The following RAB6A variants were observed in gnomAD, a reference collection of about 807,000 sequenced individuals.
RAB6A encodes the protein RAB6A, member RAS oncogene family.
RAB6A carries 8 observed loss-of-function variants against 32.3 expected under a neutral mutation model. The ratio of observed to expected loss-of-function variants is 0.25; its 90% confidence interval spans 0.15 to 0.45. The LOEUF (loss-of-function observed/expected upper bound fraction) is 0.45, where lower values mean the gene tolerates loss of function less well. Ranked by LOEUF, RAB6A falls within the 20% of genes least tolerant of loss-of-function variation. RAB6A has a pLI of 1.00. For synonymous variants in RAB6A, 73 were observed against 82.1 expected (o/e 0.89, Z 0.60); for missense variants, 104 against 249.4 (o/e 0.42, Z 3.93).
chr11:73,688,170 TATC>T (rs1336200522), intron 6 of RAB6A, among the ~76,000 whole-genome samples: 2 of 152,246 alleles, frequency 1.3e-5, no homozygotes, highest in Non-Finnish European at 1.5e-5. Context: ...GTATATCTCT[TATC>T]ATTCTTTGTC....
intron 1 of RAB6A, among the ~76,000 whole-genome samples, chr11:73,741,390 G>A (rs571139373): frequency 3.9e-5 from 6 of 151,996 alleles, no homozygotes; most frequent in Non-Finnish European, 7.4e-5. Context: ...CACCCACCTC[G>A]GCCTCCCAAA....
In RAB6A at chr11:73,760,758, G is replaced by T; in HGVS notation, c.-123C>A. The T allele has an allele frequency of 1.4e-6, 2 of 1,384,658 alleles. No individual in the cohort carries two copies. The highest frequency in any genetic ancestry group is 1.3e-5 in the South Asian group (1 of 74,278). The allele number at this position is 1,384,658 out of a possible 1,614,324, so 85.8% of individuals were successfully genotyped here. A position where few individuals can be genotyped will look rare whatever the true frequency, so the allele number is the denominator to read the frequency against. On this transcript the variant is annotated 5_prime_UTR_variant, in exon 1 of 8. Transcript: ENST00000336083. ...ACCGAGCTCTCTCGGCCCCTGCAAG[G>T]CCCGGTGGAGGAGCCCGGCTGGAGG...
chr11:73,678,149 C>A (rs1453647388), intron 7 of RAB6A, among the ~76,000 whole-genome samples, 187 bp from the exon 8 acceptor site: 3 of 152,162 alleles, frequency 2.0e-5, no homozygotes, highest in Non-Finnish European at 4.4e-5. Context: ...CTACTATATG[C>A]AACAAGGGTC....
At chr11:73,685,885 C>CAAAAAAAAAAAAAAAAAAAAAAAAAAA (rs56270679) in intron 6 of RAB6A, among the ~76,000 whole-genome samples, 1 of 103,028 alleles carries the variant, frequency 9.7e-6, no homozygotes, top group Admixed American at 1.0e-4. Context: ...AACTCCGTCT[C>CAAAAAAAAAAAAAAAAAAAAAAAAAAA]AAAAAAAAAA....
chr11:73,747,750 T>C (rs1323859230), intron 1 of RAB6A, among the ~76,000 whole-genome samples: 3 of 152,186 alleles, frequency 2.0e-5, no homozygotes, highest in African/African-American at 7.2e-5. Flanking sequence ...ATGGACACTT[T>C]CAAATAATAC....
chr11:73,688,887 T>G (rs1025967156), intron 6 of RAB6A, among the ~76,000 whole-genome samples: 1 of 152,114 alleles, frequency 6.6e-6, no homozygotes, highest in Non-Finnish European at 1.5e-5. Flanking sequence ...TCCCAGCACT[T>G]TGGGAAGCCG....
intron 1 of RAB6A, among the ~76,000 whole-genome samples, chr11:73,758,836 A>G (rs1488462081): frequency 6.6e-6 from 1 of 152,170 alleles, no homozygotes; most frequent in East Asian, 1.9e-4. Context: ...TTTGGGAACT[A>G]TCCTGATATT....
At chr11:73,706,431 G>A (rs539932270) in intron 6 of RAB6A, among the ~76,000 whole-genome samples, 2 of 151,754 alleles carry the variant, frequency 1.3e-5, no homozygotes, top group East Asian at 3.9e-4. Flanking sequence ...GGAGAATGGC[G>A]TGAACCTGGG....
At chr11:73,721,816 T>TA (rs1405355268) in intron 2 of RAB6A, among the ~76,000 whole-genome samples, 1 of 152,198 alleles carries the variant, frequency 6.6e-6, no homozygotes, top group Non-Finnish European at 1.5e-5. Context: ...CTGTGCATTT[T>TA]AAAATATGAG....
rs202009215 is a variant in RAB6A, at chr11:73,754,933, TA to T, written c.70+5632del. On this transcript the variant is annotated intron_variant, in intron 1 of 7. Transcript: ENST00000336083. ...GCAATGGGTTTATTATTATTATTAT[TA>T]TTTTTTTGAGATGGAGTTTTGCTCG... 5.6e-3 allele frequency among the ~76,000 whole-genome samples: 851 copies of T among 152,066 alleles called. 29 individuals carry two copies. In the East Asian group the frequency reaches 0.068, roughly 12 times the overall value.
Position 73,761,067 on chromosome 11 carries a change from T to A in RAB6A, c.-432A>T. 6.5e-6 allele frequency: 1 copy of A among 154,416 alleles called. No individual in the cohort carries two copies. Among genetic ancestry groups the A allele is most frequent in the Non-Finnish European group, 1.4e-5 (1 of 69,206 alleles). The allele number at this position is 154,416 out of a possible 1,614,324, so 9.6% of individuals were successfully genotyped here. On this transcript the variant is annotated 5_prime_UTR_variant, in exon 1 of 8. Coordinates refer to ENST00000336083, the MANE Select transcript of RAB6A (RefSeq NM_198896.2). ...CTGCCGCCGCCGCCGCAGCCCAACCTGCTGAGTGCGCGAGCCTCTGGAGCG... is the reference window on the plus strand; with the variant it reads ...CTGCCGCCGCCGCCGCAGCCCAACCAGCTGAGTGCGCGAGCCTCTGGAGCG...
intron 6 of RAB6A, among the ~76,000 whole-genome samples, chr11:73,685,593 T>TCTTTTTTTTTTTTTTTTTTTAA (rs1555054180): frequency 6.8e-6 from 1 of 146,966 alleles, no homozygotes. Flanking sequence ...GGACTGAAAG[T>TCTTTTTTTTTTTTTTTTTTTAA]AGCGACCAGG....
intron 3 of RAB6A, among the ~76,000 whole-genome samples, chr11:73,720,143 G>A (rs1371330660): frequency 1.3e-5 from 2 of 150,584 alleles, no homozygotes; most frequent in Non-Finnish European, 3.0e-5. Flanking sequence ...CATTCCAAAG[G>A]ATGAAAGACA....
At chr11:73,731,534 G>A (rs7933372) in intron 1 of RAB6A, among the ~76,000 whole-genome samples, 67,036 of 135,556 alleles carry the variant, frequency 0.49, 17,688 homozygotes, top group East Asian at 0.61. Flanking sequence ...CAGAGACTCC[G>A]TCTCAAAAAA....
intron 3 of RAB6A, among the ~76,000 whole-genome samples, chr11:73,720,421 A>G (rs1946116828): frequency 1.3e-5 from 2 of 152,014 alleles, no homozygotes; most frequent in Admixed American, 6.6e-5. Flanking sequence ...ACCTCAGATG[A>G]TCCACCTGCC....
At chr11:73,701,553 T>C (rs570133654) in intron 6 of RAB6A, among the ~76,000 whole-genome samples, 1 of 152,378 alleles carries the variant, frequency 6.6e-6, no homozygotes, top group South Asian at 2.1e-4. Flanking sequence ...AGTGCAGACT[T>C]TAGCTTTGGT....
chr11:73,742,771 T>C (rs567554375), intron 1 of RAB6A, among the ~76,000 whole-genome samples: 37 of 152,018 alleles, frequency 2.4e-4, no homozygotes, highest in Non-Finnish European at 4.1e-4. Flanking sequence ...GATTGCCCCA[T>C]TGACTCCAGC....
At chr11:73,708,454 C>T (rs890396472) in intron 5 of RAB6A, among the ~76,000 whole-genome samples, 6 of 152,166 alleles carry the variant, frequency 3.9e-5, no homozygotes, top group Non-Finnish European at 8.8e-5. Flanking sequence ...GAGGCGTGAG[C>T]CACCGTGCCC....
chr11:73,716,499 A>G (rs1946055696), intron 4 of RAB6A, 137 bp from the exon 5 acceptor site: 3 of 558,412 alleles, frequency 5.4e-6, no homozygotes, highest in Non-Finnish European at 9.8e-6. Flanking sequence ...TGTGCCTGCA[A>G]CATAACTCCA....
Sources: gnomAD v4.1 joint callset for allele counts (sites outside exome capture counted in the v4.1 genomes callset) on GRCh38, gnomAD v4.1.1 for gene constraint, MANE v1.5 for transcripts, NCBI Gene and HGNC (gene_info 2026-07-23, HGNC 2026-07-21) for gene names.